The following THOC2 variants were observed in gnomAD, a reference collection of about 807,000 sequenced individuals.
THOC2 encodes the protein THO complex 2.
In THOC2, 10 loss-of-function variants were observed where a neutral mutation model predicts 128.4. That is an observed-to-expected ratio of 0.08 (90% CI 0.05 to 0.13). The LOEUF (loss-of-function observed/expected upper bound fraction) is 0.13, where lower values mean the gene tolerates loss of function less well. Among genes scored for constraint, THOC2 ranks in the 10% least tolerant of loss-of-function variants. THOC2 has a pLI of 1.00. For synonymous variants in THOC2, 393 were observed against 396.9 expected (o/e 0.99, Z 0.12); for missense variants, 535 against 1,155.7 (o/e 0.46, Z 7.79).
intron 30 of THOC2, among the ~76,000 whole-genome samples, chrX:123,622,407 G>A (rs1049090590): frequency 3.6e-5 from 4 of 112,481 alleles, no homozygotes; most frequent in East Asian, 2.8e-4. Flanking sequence ...AAACAAAGTC[G>A]TTATACAAGC....
At chrX:123,642,896 A>G (rs1218032453) in intron 15 of THOC2, among the ~76,000 whole-genome samples, 1 of 111,531 alleles carries the variant, frequency 9.0e-6, no homozygotes, top group Non-Finnish European at 1.9e-5. Context: ...TGCTGTATTT[A>G]TACCTTTTAT....
At chrX:123,652,129 A>G (rs2048384259) in intron 12 of THOC2, among the ~76,000 whole-genome samples, 1 of 111,991 alleles carries the variant, frequency 8.9e-6, no homozygotes, top group African/African-American at 3.2e-5. Context: ...GGTTCAACAT[A>G]GGCAAATCAA....
rs762480263 is a variant in THOC2 at position 123,664,193 on chromosome X, C to A, written c.1386+1449G>T. Among the ~76,000 whole-genome samples the A allele has an allele frequency of 4.5e-5, 5 of 112,222 alleles. No individual in the cohort carries two copies. The South Asian group carries it at 1.8e-3, about 42-fold the overall frequency. The stretch of plus-strand genomic sequence containing the variant: ...GTTCTAGATCCTTGAGGAATCGCCA[C>A]ACTGTCTTCCACAAAGATGGATTAA... On this transcript the variant is annotated intron_variant, in intron 12 of 38. Coordinates refer to ENST00000245838, the MANE Select transcript of THOC2 (RefSeq NM_001081550.2).
chrX:123,731,102 C>A (rs1359463082), intron 1 of THOC2, among the ~76,000 whole-genome samples: 1 of 112,459 alleles, frequency 8.9e-6, no homozygotes, highest in African/African-American at 3.2e-5. Context: ...ACCCTAATAT[C>A]GATGAAGATG....
intron 3 of THOC2, among the ~76,000 whole-genome samples, chrX:123,705,625 A>G (rs894342301): frequency 9.0e-6 from 1 of 111,113 alleles, no homozygotes; most frequent in Non-Finnish European, 1.9e-5. Context: ...CAAAAGGGAA[A>G]CTCACAGAAT....
rs753628108 is a variant in THOC2 at position 123,665,665 on chromosome X, T to C, written c.1363A>G (p.Ile455Val). The C allele has an allele frequency of 4.2e-6, 5 of 1,178,143 alleles. No homozygotes were observed. In the South Asian group the frequency reaches 6.2e-5, roughly 15 times the overall value. ...ACCTCCTTCATAAATGACTTGCCTA[T>C]GCGCACCACTTTTGCAAATAAAATG... is the stretch of plus-strand genomic sequence containing the variant. Reference protein sequence around the residue: ...DPILFAKVVRIGKSFMKEFQS... With the variant: ...DPILFAKVVRVGKSFMKEFQS... The change falls in exon 12 of 39, where the codon ATA becomes GTA. Residue 455 changes from isoleucine to valine, a missense_variant. Ile to Val is a conservative substitution (Grantham distance 29). Around this residue, in one of 9 missense-constraint regions of THOC2, gnomAD observed 197 missense variants for 313.4 expected, o/e 0.63. Transcript: ENST00000245838.
At chrX:123,703,527 C>G in intron 3 of THOC2, 22 bp from the exon 4 acceptor site, 1 of 1,015,824 alleles carries the variant, frequency 9.8e-7, no homozygotes, top group Non-Finnish European at 1.4e-6. Context: ...AATATAATTA[C>G]AATAAATAGC....
intron 15 of THOC2, among the ~76,000 whole-genome samples, chrX:123,642,729 CAATATT>C (rs113564153): frequency 6.9e-4 from 74 of 107,995 alleles, no homozygotes; most frequent in African/African-American, 2.2e-3. Flanking sequence ...CAAAGAAAAA[CAATATT>C]AATATAATAA....
rs754950499 is a variant in THOC2, at chrX:123,646,676, TA to T, written c.1387-1302del. ...CTCAATTTGTTTTTAATTGGCAGGT[TA>T]AAAAGGTATGGTTCCTTTCACAGAA... On this transcript the variant is annotated intron_variant, in intron 12 of 38. Coordinates refer to ENST00000245838, the MANE Select transcript of THOC2 (RefSeq NM_001081550.2). 6.2e-5 allele frequency among the ~76,000 whole-genome samples: 7 copies of T among 112,161 alleles called. No individual in the cohort carries two copies. In the South Asian group the frequency reaches 2.6e-3, roughly 42 times the overall value.
Position 123,706,944 on chromosome X carries a change from G to T in THOC2, c.136C>A (p.Gln46Lys). 1 of 1,106,636 alleles carries T rather than the reference G, an allele frequency of 9.0e-7. No homozygotes were observed. The highest frequency in any genetic ancestry group is 1.2e-6 in the Non-Finnish European group (1 of 825,942). 91.2% of individuals were successfully genotyped at this position (1,106,636 alleles called of 1,213,427 possible). A position where few individuals can be genotyped will look rare whatever the true frequency, so the allele number is the denominator to read the frequency against. ...SHDSSTYRDF[Q>K]QALYELSYHV... ...TATGACAACTCATAGAGAGCTTGCT[G>T]GAAATCTGTTGAACATAAGAGAAAT... Residue 46 changes from glutamine (Q) to lysine (K), a missense_variant, in exon 3 of 39, where the codon CAG (glutamine) becomes AAG (lysine). Coordinates refer to ENST00000245838, the MANE Select transcript of THOC2 (RefSeq NM_001081550.2).
At chrX:123,721,475 G>T (rs1204675867) in intron 1 of THOC2, among the ~76,000 whole-genome samples, 1 of 107,257 alleles carries the variant, frequency 9.3e-6, no homozygotes, top group Non-Finnish European at 1.9e-5. Context: ...GCCTGGGCAA[G>T]CATGTCTTTT....
chrX:123,671,844 C>T, intron 8 of THOC2, 83 bp from the exon 9 acceptor site: 1 of 507,609 alleles, frequency 2.0e-6, no homozygotes. Context: ...TAACTAAGAA[C>T]AATTAGATCA....
chrX:123,727,617 A>T (rs940435218), intron 1 of THOC2, among the ~76,000 whole-genome samples: 4 of 112,385 alleles, frequency 3.6e-5, no homozygotes, highest in Non-Finnish European at 7.5e-5. Context: ...TTAATTTTTT[A>T]AAAATAAAAA....
At chrX:123,713,857 A>G (rs763909724) in intron 1 of THOC2, among the ~76,000 whole-genome samples, 1 of 110,088 alleles carries the variant, frequency 9.1e-6, no homozygotes, top group African/African-American at 3.3e-5. Context: ...AAAAAAAAGG[A>G]AAAAAGAAAA....
chrX:123,676,821 C>G (rs2049517101), intron 8 of THOC2, among the ~76,000 whole-genome samples: 1 of 111,694 alleles, frequency 9.0e-6, no homozygotes, highest in South Asian at 3.8e-4. Flanking sequence ...ATCTTCTATA[C>G]CCTATCTTAA....
At chrX:123,654,628 G>A (rs1407572028) in intron 12 of THOC2, among the ~76,000 whole-genome samples, 2 of 105,753 alleles carry the variant, frequency 1.9e-5, no homozygotes, top group African/African-American at 3.4e-5. Context: ...CATGGTGGGC[G>A]CGCACCTGTA....
intron 8 of THOC2, among the ~76,000 whole-genome samples, chrX:123,672,111 C>T (rs778834966): frequency 9.1e-6 from 1 of 109,907 alleles, no homozygotes; most frequent in African/African-American, 3.4e-5. Flanking sequence ...TGTGTGTTTT[C>T]TTTTCTGTTT....
At chrX:123,686,755 A>C in intron 7 of THOC2, 41 bp from the exon 8 acceptor site, 1 of 1,004,143 alleles carries the variant, frequency 1.0e-6, no homozygotes, top group Non-Finnish European at 1.3e-6. Flanking sequence ...AAATGATTAT[A>C]CATCATTTCT....
At chrX:123,617,326 C>T (rs189197179) in intron 33 of THOC2, among the ~76,000 whole-genome samples, 16 of 110,668 alleles carry the variant, frequency 1.4e-4, no homozygotes, top group Admixed American at 1.4e-3. Context: ...ATGTATATGC[C>T]ATTTTCAAAT....
Sources: allele counts gnomAD v4.1 joint callset (sites outside exome capture counted in the v4.1 genomes callset), GRCh38; gene constraint gnomAD v4.1.1; regional missense constraint gnomAD v4.1.1; transcripts MANE v1.5; gene names NCBI Gene and HGNC (gene_info 2026-07-23, HGNC 2026-07-21).